Variants in DEF6 observed in about 807,000 individuals in gnomAD.
The protein encoded by DEF6 is DEF6 guanine nucleotide exchange factor, also known as differentially expressed in FDCP 6 homolog.
A neutral mutation model predicts 80.5 loss-of-function variants in DEF6; 32 were observed. That is an observed-to-expected ratio of 0.40 (90% CI 0.30 to 0.53). The LOEUF (loss-of-function observed/expected upper bound fraction) is 0.53. Among genes scored for constraint, DEF6 ranks in the 20% least tolerant of loss-of-function variants. DEF6 has a pLI of 0.57. For synonymous variants in DEF6, 300 were observed against 337.9 expected, an observed-to-expected ratio of 0.89 and a Z score of 1.23; for missense variants, 575 against 818.7, an observed-to-expected ratio of 0.70 and a Z score of 3.63.
At chr6:35,302,284 G>C (rs1040056232) in intron 1 of DEF6, among the ~76,000 whole-genome samples, 1 of 152,048 alleles carries the variant, frequency 6.6e-6, no homozygotes. Context: ...GCTTGAGCCC[G>C]AGAGGTCAAG....
At chr6:35,298,034 G>C (rs1188327476) in intron 1 of DEF6, 82 bp downstream of exon 1, 1 of 1,256,432 alleles carries the variant, frequency 8.0e-7, no homozygotes, top group Non-Finnish European at 1.1e-6. Context: ...TGTGGACACT[G>C]TGCCACTCCA....
rs1446685719 is a variant in DEF6 at position 35,318,384 on chromosome 6, G to T, written c.1128G>T (p.Arg376=). 2 of 1,535,908 alleles carry T rather than the reference G, an allele frequency of 1.3e-6. No homozygotes were observed. Among genetic ancestry groups the T allele is most frequent in the Admixed American group, 2.0e-5 (1 of 50,814 alleles). ...LLQEAQRQAE[R]LLQEEEERRR... ...AGGAGGCGCAGCGGCAGGCCGAGCG[G>T]CTGCTGCAGGAGGAGGAGGAACGGC... Residue 376 remains arginine, a synonymous_variant, in exon 7 of 11, where the codon CGG becomes CGT. Coordinates refer to ENST00000316637, the MANE Select transcript of DEF6 (RefSeq NM_022047.4). This position sits in a 1 kb window ranked among gnomAD's most constrained non-coding sequence, Gnocchi z 5.1.
At chr6:35,301,286 G>A (rs1430007475) in intron 1 of DEF6, among the ~76,000 whole-genome samples, 1 of 152,154 alleles carries the variant, frequency 6.6e-6, no homozygotes, top group Non-Finnish European at 1.5e-5. Flanking sequence ...TGTGCTACTG[G>A]TCTCCCCAGG....
chr6:35,298,195 C>T (rs9368857), intron 1 of DEF6, among the ~76,000 whole-genome samples: 6,359 of 152,276 alleles, frequency 0.042, 368 homozygotes, highest in East Asian at 0.31. Context: ...GGCCCCACAA[C>T]TGGAGGCCAG....
intron 1 of DEF6, among the ~76,000 whole-genome samples, chr6:35,303,407 G>A (rs1301943054): frequency 6.6e-6 from 1 of 152,078 alleles, no homozygotes; most frequent in Non-Finnish European, 1.5e-5. Context: ...ATGCTCACTG[G>A]GATTTAGTCA....
chr6:35,308,448 G>A (rs916931622), intron 1 of DEF6, among the ~76,000 whole-genome samples: 4 of 151,884 alleles, frequency 2.6e-5, no homozygotes, highest in East Asian at 1.9e-4. Context: ...CGAGGTGGGC[G>A]GATCGCCTGA....
intron 5 of DEF6, among the ~76,000 whole-genome samples, chr6:35,316,468 C>T (rs1370172647): frequency 2.0e-5 from 3 of 152,138 alleles, no homozygotes; most frequent in Non-Finnish European, 4.4e-5. Context: ...AGTGGGCATC[C>T]TTGTCTTGTT....
In DEF6 at chr6:35,310,605, G is replaced by A. The variant is rs1253431215; in HGVS notation, c.384G>A (p.Leu128=). 2.5e-6 allele frequency: 4 copies of A among 1,614,052 alleles called. No homozygotes were observed. Among genetic ancestry groups the A allele is most frequent in the Non-Finnish European group, 3.4e-6 (4 of 1,180,042 alleles). Residue 128 remains leucine (L), a synonymous_variant, in exon 3 of 11, where the codon CTG becomes CTA. Coordinates refer to ENST00000316637, the MANE Select transcript of DEF6 (RefSeq NM_022047.4). ...AFRLWCLFNF[L]SEDKYPLIMV... ...GCCTCTGGTGCCTCTTCAACTTCCTGTCTGAGGACAAGTACCCTCTGATCA... is the reference window on the plus strand; with the variant it reads ...GCCTCTGGTGCCTCTTCAACTTCCTATCTGAGGACAAGTACCCTCTGATCA...
In DEF6 at chr6:35,318,499, G is replaced by C. The variant is rs369891491; in HGVS notation, c.1215+28G>C. On this transcript the variant is annotated intron_variant, in intron 7 of 10. Coordinates refer to ENST00000316637, the MANE Select transcript of DEF6 (RefSeq NM_022047.4). The surrounding 1 kb of genome is among the most constrained non-coding windows in gnomAD (Gnocchi z 5.1). The stretch of plus-strand genomic sequence containing the variant: ...GGGGTTAGCTCCCGGCGCCGGGGAC[G>C]GGACCGGTGGGCTGGGAGGCTGGCC... 47 of 1,369,618 alleles carry C rather than the reference G, an allele frequency of 3.4e-5. No homozygotes were observed. The highest frequency in any genetic ancestry group is 2.7e-4 in the Middle Eastern group (1 of 3,732). 84.8% of individuals were successfully genotyped at this position (1,369,618 alleles called of 1,614,324 possible).
chr6:35,307,832 C>G (rs1791412099), intron 1 of DEF6, among the ~76,000 whole-genome samples: 1 of 152,208 alleles, frequency 6.6e-6, no homozygotes, highest in Non-Finnish European at 1.5e-5. Context: ...TTCTCCCCCT[C>G]CTCTCTGAAA....
At chr6:35,303,722 C>T (rs1791346777) in intron 1 of DEF6, among the ~76,000 whole-genome samples, 1 of 152,176 alleles carries the variant, frequency 6.6e-6, no homozygotes, top group Admixed American at 6.5e-5. Flanking sequence ...TCAGGCCGGG[C>T]AGGGTAGCTC....
chr6:35,298,178 A>G (rs544842360), intron 1 of DEF6, among the ~76,000 whole-genome samples: 2 of 152,316 alleles, frequency 1.3e-5, no homozygotes, highest in African/African-American at 2.4e-5. Context: ...AACCTTGCGC[A>G]GAACTGGGCC....
intron 1 of DEF6, among the ~76,000 whole-genome samples, chr6:35,305,340 C>T (rs1791375089): frequency 6.6e-6 from 1 of 151,018 alleles, no homozygotes; most frequent in Non-Finnish European, 1.5e-5. Context: ...AATTTTTTAA[C>T]TTAGCTGAGC....
Position 35,319,467 on chromosome 6 carries a change from CG to C in DEF6, c.1216-56del. ...GCAACATGCCCACCCCCTCCTCCTCCGCCCCCACGTGCCCCTTTTGACCTGG... is the reference window on the plus strand; with the variant it reads ...GCAACATGCCCACCCCCTCCTCCTCCCCCCCACGTGCCCCTTTTGACCTGG... On this transcript the variant is annotated intron_variant, in intron 7 of 10. Transcript: ENST00000316637. The surrounding 1 kb of genome is among the most constrained non-coding windows in gnomAD (Gnocchi z 4.5). 4.9e-6 allele frequency: 7 copies of C among 1,422,848 alleles called. No homozygotes were observed. The highest frequency in any genetic ancestry group is 2.6e-4 in the Middle Eastern group (1 of 3,912). 88.1% of individuals were successfully genotyped at this position (1,422,848 alleles called of 1,614,324 possible).
At chr6:35,302,295 G>A (rs1791325117) in intron 1 of DEF6, among the ~76,000 whole-genome samples, 1 of 152,088 alleles carries the variant, frequency 6.6e-6, no homozygotes, top group African/African-American at 2.4e-5. Flanking sequence ...AGAGGTCAAG[G>A]CTTCAGTGAG....
chr6:35,312,514 G>A lies in DEF6; in HGVS notation c.636G>A (p.Glu212=), dbSNP rs2150387452. The A allele has an allele frequency of 2.5e-6, 4 of 1,614,184 alleles. No homozygotes were observed. Among genetic ancestry groups the A allele is most frequent in the Non-Finnish European group, 3.4e-6 (4 of 1,180,038 alleles). ...TGGCCATCCACGAGGTCTACCAGGAGCTCATCCAAGATGTCCTGAAGCAGG... is the reference window on the plus strand; with the variant it reads ...TGGCCATCCACGAGGTCTACCAGGAACTCATCCAAGATGTCCTGAAGCAGG... ...LSMAIHEVYQ[E]LIQDVLKQGY... Residue 212 remains glutamate, a synonymous_variant, in exon 4 of 11, where the codon GAG becomes GAA. Coordinates refer to ENST00000316637, the MANE Select transcript of DEF6 (RefSeq NM_022047.4). The surrounding 1 kb of genome is among the most constrained non-coding windows in gnomAD (Gnocchi z 6.6).
chr6:35,297,881 A>C lies in DEF6; in HGVS notation c.25A>C (p.Lys9Gln). The change falls in exon 1 of 11, where the codon AAG becomes CAG. Residue 9 changes from lysine (K) to glutamine (Q), a missense_variant. By Grantham distance (53) the Lys-to-Gln change is moderately conservative. Transcript: ENST00000316637. MALRKELL[K>Q]SIWYAFTALD... Reference sequence around the variant, plus strand: ...CATGGCCCTGCGCAAGGAACTGCTCAAGTCCATCTGGTACGCCTTTACCGC... The same window carrying C: ...CATGGCCCTGCGCAAGGAACTGCTCCAGTCCATCTGGTACGCCTTTACCGC... 1 of 1,606,832 alleles carries C rather than the reference A, an allele frequency of 6.2e-7. No individual in the cohort carries two copies. The highest frequency in any genetic ancestry group is 8.5e-7 in the Non-Finnish European group (1 of 1,177,266).
At chr6:35,320,803 C>A in intron 9 of DEF6, 81 bp from the exon 10 acceptor site, 1 of 1,273,554 alleles carries the variant, frequency 7.9e-7, no homozygotes, top group Non-Finnish European at 1.1e-6. Context: ...AGATTTTAAG[C>A]AGCCTGCGAA....
In DEF6 at chr6:35,303,537, C is replaced by T. The variant is rs73745186; in HGVS notation, c.96+5585C>T. On this transcript the variant is annotated intron_variant, in intron 1 of 10. Coordinates refer to ENST00000316637, the MANE Select transcript of DEF6 (RefSeq NM_022047.4). ...CCCCGTGATACCACAGTGAAAAAAA[C>T]GCAAATGTTTCTACCCTTGTGGTGC... Among the ~76,000 whole-genome samples, 1,308 of 152,210 alleles carry T rather than the reference C, an allele frequency of 8.6e-3. 11 individuals carry two copies. The highest frequency in any genetic ancestry group is 0.025 in the African/African-American group (1,022 of 41,514).
Sources: allele counts gnomAD v4.1 joint callset (sites outside exome capture counted in the v4.1 genomes callset), GRCh38; gene constraint gnomAD v4.1.1; non-coding constraint Gnocchi (gnomAD v3.1); transcripts MANE v1.5; gene names NCBI Gene and HGNC (gene_info 2026-07-23, HGNC 2026-07-21).